CSMD1: variants seen among roughly 807,000 people sequenced by gnomAD.
The protein encoded by CSMD1 is CUB and sushi domain-containing protein 1.
CSMD1 carries 213 observed loss-of-function variants against 417.5 expected under a neutral mutation model. The observed-to-expected ratio is 0.51, with a 90% CI of 0.46 to 0.57. The LOEUF is 0.57. Ranked by LOEUF, CSMD1 falls within the 20% of genes least tolerant of loss-of-function variation. CSMD1 has a pLI of 0.00. For missense variants in CSMD1, 6,923 were observed against 4,529.7 expected, an observed-to-expected ratio of 1.53 and a Z score of -15.17; for synonymous variants, 2,862 against 1,736.8, an observed-to-expected ratio of 1.65 and a Z score of -16.11.
rs532953938 is a variant in CSMD1 at position 3,888,408 on chromosome 8, A to C, written c.818+109495T>G. The stretch of plus-strand genomic sequence containing the variant: ...GAGAAGCCTATTTCATTCTATACGG[A>C]AACCTTTTTTTACCTTAATGCAAGG... On this transcript the variant is annotated intron_variant, in intron 5 of 69. Transcript: ENST00000635120. Among the ~76,000 whole-genome samples the C allele has an allele frequency of 1.1e-4, 17 of 152,290 alleles. 1 individual carries two copies. The South Asian group carries it at 3.5e-3, about 32-fold the overall frequency.
chr8:3,101,925 C>T (rs141852924), intron 46 of CSMD1, among the ~76,000 whole-genome samples: 41 of 151,556 alleles, frequency 2.7e-4, no homozygotes, highest in African/African-American at 8.5e-4. Context: ...CCTCAGCCTC[C>T]AGAGCAGCTG....
intron 10 of CSMD1, among the ~76,000 whole-genome samples, chr8:3,521,861 T>C (rs554548289): frequency 2.7e-4 from 41 of 152,332 alleles, no homozygotes; most frequent in African/African-American, 7.7e-4. Flanking sequence ...TCTATTCTAA[T>C]ACCGCGGAAC....
chr8:4,116,126 G>A (rs1034594537), intron 3 of CSMD1, among the ~76,000 whole-genome samples: 1 of 151,736 alleles, frequency 6.6e-6, no homozygotes, highest in Admixed American at 6.6e-5. Flanking sequence ...CCAAGTAGCT[G>A]GGATTTACAG....
chr8:4,903,390 C>A (rs868480415), intron 1 of CSMD1, among the ~76,000 whole-genome samples: 3 of 152,148 alleles, frequency 2.0e-5, no homozygotes, highest in African/African-American at 7.2e-5. Flanking sequence ...AGCTTCATGT[C>A]TTTAAAACGA....
intron 3 of CSMD1, among the ~76,000 whole-genome samples, chr8:4,327,014 C>G (rs539563159): frequency 1.3e-5 from 2 of 152,044 alleles, no homozygotes; most frequent in East Asian, 1.9e-4. Flanking sequence ...ATTGGGAGAA[C>G]CAGACCACAG....
chr8:3,708,535 A>T, intron 6 of CSMD1, 44 bp from the exon 7 acceptor site: 4 of 1,534,158 alleles, frequency 2.6e-6, no homozygotes, highest in Non-Finnish European at 3.6e-6. Context: ...AGACTTGGAG[A>T]TCATAAAACC....
At chr8:4,312,396 T>TATATATATATATATATATAC (rs1159507543) in intron 3 of CSMD1, among the ~76,000 whole-genome samples, 1 of 99,048 alleles carries the variant, frequency 1.0e-5, no homozygotes. Context: ...TATATATACA[T>TATATATATATATATATATAC]ACATATATAT....
chr8:4,757,740 C>T (rs537252036), intron 1 of CSMD1, among the ~76,000 whole-genome samples: 12 of 152,192 alleles, frequency 7.9e-5, no homozygotes, highest in African/African-American at 2.9e-4. Flanking sequence ...AAGCAGATCA[C>T]TTGAGGCCAG....
At chr8:3,353,071 A>T (rs1271663524) in intron 21 of CSMD1, among the ~76,000 whole-genome samples, 2 of 152,166 alleles carry the variant, frequency 1.3e-5, no homozygotes, top group African/African-American at 2.4e-5. Flanking sequence ...AAGGTGCAAT[A>T]ATTATACTAC....
At chr8:4,137,410 T>C (rs1803505402) in intron 3 of CSMD1, among the ~76,000 whole-genome samples, 1 of 134,210 alleles carries the variant, frequency 7.5e-6, no homozygotes, top group Non-Finnish European at 1.7e-5. Context: ...ACAAAAGTTA[T>C]CGCTTGTGTT....
intron 30 of CSMD1, among the ~76,000 whole-genome samples, chr8:3,213,747 ATGTG>A (rs1197069394): frequency 6.6e-6 from 1 of 150,722 alleles, no homozygotes; most frequent in Non-Finnish European, 1.5e-5. Flanking sequence ...GTAAAAATAT[ATGTG>A]TGTGTATGTA....
chr8:3,066,694 A>G (rs1446328322), intron 49 of CSMD1, among the ~76,000 whole-genome samples: 1 of 152,210 alleles, frequency 6.6e-6, no homozygotes, highest in Non-Finnish European at 1.5e-5. Flanking sequence ...TAGATTCCAA[A>G]CAGACTGAAG....
At chr8:3,571,646 T>C (rs566668369) in intron 10 of CSMD1, among the ~76,000 whole-genome samples, 1 of 152,012 alleles carries the variant, frequency 6.6e-6, no homozygotes, top group South Asian at 2.1e-4. Context: ...GGGAATCCGG[T>C]GTTCTGCGCT....
At chr8:3,930,753 C>T (rs1851594) in intron 5 of CSMD1, among the ~76,000 whole-genome samples, 105,778 of 149,900 alleles carry the variant, frequency 0.71, 39,303 homozygotes, top group African/African-American at 0.82. Context: ...TCAAGTGCTA[C>T]TTCTTTACGG....
rs113629922 is a variant in CSMD1, at chr8:3,795,043, C to A, written c.819-41001G>T. On this transcript the variant is annotated intron_variant, in intron 5 of 69. Coordinates refer to ENST00000635120, the MANE Select transcript of CSMD1 (RefSeq NM_033225.6). ...ATCATATATAGCTATAGATACATAT[C>A]TATCATGTATAGCTATAGATATATA... 3.7e-4 allele frequency among the ~76,000 whole-genome samples: 46 copies of A among 125,940 alleles called. 1 individual carries two copies. Among genetic ancestry groups the A allele is most frequent in the African/African-American group, 8.8e-4 (33 of 37,608 alleles). The allele number at this position is 125,940 out of a possible 152,430, so 82.6% of individuals were successfully genotyped here. A position where few individuals can be genotyped will look rare whatever the true frequency, so the allele number is the denominator to read the frequency against.
intron 2 of CSMD1, among the ~76,000 whole-genome samples, chr8:4,556,435 C>T (rs553348784): frequency 6.6e-6 from 1 of 152,228 alleles, no homozygotes; most frequent in Admixed American, 6.5e-5. Context: ...GTACAGAGGA[C>T]ATATCGCATC....
intron 12 of CSMD1, among the ~76,000 whole-genome samples, chr8:3,431,175 G>C (rs995549522): frequency 6.6e-6 from 1 of 152,112 alleles, no homozygotes; most frequent in East Asian, 1.9e-4. Flanking sequence ...CTATGGAAGA[G>C]GGATGATGGA....
intron 5 of CSMD1, among the ~76,000 whole-genome samples, chr8:3,968,004 TAAAAAAAAA>T (rs11330461): frequency 1.0e-4 from 10 of 98,890 alleles, no homozygotes; most frequent in Non-Finnish European, 1.5e-4. Context: ...CGTCACTGCT[TAAAAAAAAA>T]AAAAAAAAAA....
intron 5 of CSMD1, among the ~76,000 whole-genome samples, chr8:3,843,740 C>T (rs1008279362): frequency 2.0e-5 from 3 of 152,060 alleles, no homozygotes; most frequent in African/African-American, 7.2e-5. Flanking sequence ...GGCTGGTCTT[C>T]GGGAAATGTT....
Sources: gnomAD v4.1 joint callset for allele counts (sites outside exome capture counted in the v4.1 genomes callset) on GRCh38, gnomAD v4.1.1 for gene constraint, MANE v1.5 for transcripts, NCBI Gene and HGNC (gene_info 2026-07-23, HGNC 2026-07-21) for gene names.